The following SLC26A7 variants were observed in gnomAD, a reference collection of about 807,000 sequenced individuals.
The protein encoded by SLC26A7 is solute carrier family 26 member 7, also known as anion exchange transporter.
Under a neutral mutation model 82.5 loss-of-function variants are expected in SLC26A7, and 59 were observed. The observed-to-expected ratio is 0.72, with a 90% CI of 0.58 to 0.89. The LOEUF is 0.89. Among genes scored for constraint, SLC26A7 ranks in the 40% least tolerant of loss-of-function variants. The pLI is 0.00. For missense variants in SLC26A7, 820 were observed against 793.0 expected, an observed-to-expected ratio of 1.03 and a Z score of -0.41; for synonymous variants, 271 against 274.3, an observed-to-expected ratio of 0.99 and a Z score of 0.12.
intron 2 of SLC26A7, among the ~76,000 whole-genome samples, chr8:91,228,568 G>A (rs1299493847): frequency 6.6e-6 from 1 of 152,156 alleles, no homozygotes. Flanking sequence ...CTTCACAACG[G>A]CCACTTTATG....
At chr8:91,261,833 A>G (rs1297676104) in intron 2 of SLC26A7, among the ~76,000 whole-genome samples, 1 of 152,094 alleles carries the variant, frequency 6.6e-6, no homozygotes, top group Non-Finnish European at 1.5e-5. Flanking sequence ...CTGATATCCA[A>G]GAGGAGTTTC....
At chr8:91,336,411 T>G (rs1289064820) in intron 6 of SLC26A7, among the ~76,000 whole-genome samples, 1 of 152,080 alleles carries the variant, frequency 6.6e-6, no homozygotes, top group Non-Finnish European at 1.5e-5. Context: ...CGAACCCTGT[T>G]GTGAACTTCA....
Position 91,332,491 on chromosome 8 carries a change from T to TACACACACACAC in SLC26A7, c.643-1772_643-1761dup, listed in dbSNP as rs34306717. Among the ~76,000 whole-genome samples the TACACACACACAC allele has an allele frequency of 6.6e-4, 83 of 125,204 alleles. 2 individuals carry two copies. Among genetic ancestry groups the TACACACACACAC allele is most frequent in the African/African-American group, 1.8e-3 (60 of 33,468 alleles). 82.1% of individuals were successfully genotyped at this position (125,204 alleles called of 152,430 possible). On this transcript the variant is annotated intron_variant, in intron 5 of 18. Transcript: ENST00000276609. Reference sequence around the variant, plus strand: ...ATATATATTCTGTATATATATTTAATACACACACACACACACACACACACA... The same window carrying TACACACACACAC: ...ATATATATTCTGTATATATATTTAATACACACACACACACACACACACACACACACACACACA...
chr8:91,304,305 G>T (rs2130788539), intron 4 of SLC26A7, among the ~76,000 whole-genome samples: 1 of 152,290 alleles, frequency 6.6e-6, no homozygotes, highest in African/African-American at 2.4e-5. Context: ...GGAAGTGATT[G>T]GATCATGGGG....
intron 4 of SLC26A7, among the ~76,000 whole-genome samples, chr8:91,297,329 G>A (rs920848175): frequency 6.6e-6 from 1 of 151,256 alleles, no homozygotes; most frequent in Non-Finnish European, 1.5e-5. Flanking sequence ...ACAATCATCA[G>A]GTATTCTGTT....
At chr8:91,257,812 A>G (rs530934915) in intron 2 of SLC26A7, among the ~76,000 whole-genome samples, 8 of 152,106 alleles carry the variant, frequency 5.3e-5, no homozygotes, top group Admixed American at 3.9e-4. Flanking sequence ...CACCCAGTGT[A>G]TTAGTCCATT....
intron 4 of SLC26A7, among the ~76,000 whole-genome samples, chr8:91,311,343 C>T (rs1812480506): frequency 6.6e-6 from 1 of 152,088 alleles, no homozygotes; most frequent in African/African-American, 2.4e-5. Flanking sequence ...CAGTAAAGAG[C>T]ACAATCATTG....
chr8:91,352,683 C>A (rs1007152539), intron 10 of SLC26A7, among the ~76,000 whole-genome samples: 10 of 152,068 alleles, frequency 6.6e-5, no homozygotes, highest in African/African-American at 1.9e-4. Flanking sequence ...TAGAATTGTA[C>A]AAATATTACC....
rs577854712 is a variant in SLC26A7 at position 91,275,235 on chromosome 8, A to C, written c.194-13901A>C. Among the ~76,000 whole-genome samples the C allele has an allele frequency of 5.4e-4, 82 of 152,354 alleles. 4 individuals carry two copies. The South Asian group carries it at 0.017, about 31-fold the overall frequency. ...ATATAATTGTAATATATAACAACAT[A>C]GAATATAGAATTTTGGGTCTCTGGG... is the stretch of plus-strand genomic sequence containing the variant. On this transcript the variant is annotated intron_variant, in intron 2 of 18. Transcript: ENST00000276609.
chr8:91,233,566 CAAAAAAAGA>C (rs575047186), intron 2 of SLC26A7, among the ~76,000 whole-genome samples: 102 of 141,440 alleles, frequency 7.2e-4, no homozygotes, highest in Middle Eastern at 3.7e-3. Flanking sequence ...GATTCTGTGT[CAAAAAAAGA>C]AAAAAAAGAA....
intron 2 of SLC26A7, among the ~76,000 whole-genome samples, chr8:91,236,498 G>A (rs1313995642): frequency 6.6e-6 from 1 of 151,952 alleles, no homozygotes. Flanking sequence ...ATGAGCTGAT[G>A]TAATAGGTTA....
At chr8:91,228,042 G>C (rs1326620317) in intron 2 of SLC26A7, among the ~76,000 whole-genome samples, 5 of 152,208 alleles carry the variant, frequency 3.3e-5, no homozygotes, top group Admixed American at 3.3e-4. Context: ...AGGCCACAAG[G>C]CTCCAAATGG....
intron 11 of SLC26A7, among the ~76,000 whole-genome samples, chr8:91,361,258 CAAT>C (rs1814042325): frequency 6.6e-6 from 1 of 152,018 alleles, no homozygotes; most frequent in Non-Finnish European, 1.5e-5. Context: ...TCAAAAACAA[CAAT>C]AACAACAAAA....
chr8:91,275,091 G>A (rs1811372335), intron 2 of SLC26A7, among the ~76,000 whole-genome samples: 1 of 151,696 alleles, frequency 6.6e-6, no homozygotes, highest in Non-Finnish European at 1.5e-5. Flanking sequence ...TCATCTATCT[G>A]GTTAAAAAAC....
intron 11 of SLC26A7, among the ~76,000 whole-genome samples, chr8:91,354,282 T>C (rs77302832): frequency 0.03 from 4,495 of 152,186 alleles, 222 homozygotes; most frequent in African/African-American, 0.1. Context: ...AAGTAAGATT[T>C]CTATTAGGAA....
chr8:91,239,389 A>ATATATATATATAT (rs1264821995), intron 2 of SLC26A7, among the ~76,000 whole-genome samples: 11 of 105,830 alleles, frequency 1.0e-4, no homozygotes, highest in African/African-American at 3.6e-4. Flanking sequence ...AAAAAAAAAA[A>ATATATATATATAT]AAAAAAATAT....
intron 15 of SLC26A7, among the ~76,000 whole-genome samples, chr8:91,375,306 C>T (rs1814480671): frequency 6.6e-6 from 1 of 152,064 alleles, no homozygotes; most frequent in African/African-American, 2.4e-5. Flanking sequence ...TTTGTAGTCT[C>T]AAATGTGTAA....
At chr8:91,244,228 TAGTC>T (rs1256213725) in intron 2 of SLC26A7, among the ~76,000 whole-genome samples, 4 of 152,172 alleles carry the variant, frequency 2.6e-5, no homozygotes, top group East Asian at 1.9e-4. Context: ...TATCAGTTGT[TAGTC>T]AGAAATGAGA....
At chr8:91,241,092 G>A (rs1312399425) in intron 2 of SLC26A7, among the ~76,000 whole-genome samples, 2 of 152,120 alleles carry the variant, frequency 1.3e-5, no homozygotes, top group Non-Finnish European at 2.9e-5. Flanking sequence ...TCTCAGAGAT[G>A]TCTACCCTAG....
Sources: gnomAD v4.1 joint callset for allele counts (sites outside exome capture counted in the v4.1 genomes callset) on GRCh38, gnomAD v4.1.1 for gene constraint, MANE v1.5 for transcripts, NCBI Gene and HGNC (gene_info 2026-07-23, HGNC 2026-07-21) for gene names.